ANKRD36C: variants seen among roughly 807,000 people sequenced by gnomAD.
ANKRD36C encodes the protein ankyrin repeat domain-containing protein 36C.
In ANKRD36C, 61 loss-of-function variants were observed where a neutral mutation model predicts 276.4. The observed-to-expected ratio is 0.22, with a 90% CI of 0.18 to 0.27. ANKRD36C has a LOEUF of 0.27. ANKRD36C is among the 10% of genes least tolerant of loss of function. The probability of loss-of-function intolerance (pLI) is 1.00; values close to 1 mark genes in which losing one functional copy is unlikely to be tolerated. For synonymous variants in ANKRD36C, 483 were observed against 680.1 expected (o/e 0.71, Z 4.51); for missense variants, 1,447 against 2,032.3 (o/e 0.71, Z 5.54).
At chr2:95,948,893 A>G (rs890725472) in intron 16 of ANKRD36C, among the ~76,000 whole-genome samples, 10 of 152,222 alleles carry the variant, frequency 6.6e-5, no homozygotes, top group Non-Finnish European at 1.3e-4. Context: ...TGGCACAGCC[A>G]GACAATAATT....
chr2:95,856,376 T>C (rs1675412118), intron 62 of ANKRD36C, among the ~76,000 whole-genome samples, 196 bp from the exon 83 acceptor site: 1 of 152,174 alleles, frequency 6.6e-6, no homozygotes, highest in East Asian at 1.9e-4. Context: ...AAAAGTTTAT[T>C]TGAAGACAGT....
chr2:95,876,172 A>T (rs1483801924), intron 59 of ANKRD36C, among the ~76,000 whole-genome samples: 3 of 151,990 alleles, frequency 2.0e-5, no homozygotes. Flanking sequence ...TCTTTATTAT[A>T]ATAGGAAGTT....
intron 42 of ANKRD36C, among the ~76,000 whole-genome samples, chr2:95,902,545 G>T (rs1184314432): frequency 6.6e-6 from 1 of 150,392 alleles, no homozygotes; most frequent in East Asian, 2.0e-4. Context: ...TCTGAAGTGT[G>T]TAAATTCTAT....
intron 59 of ANKRD36C, among the ~76,000 whole-genome samples, chr2:95,873,799 C>A (rs1558622767): frequency 6.6e-6 from 1 of 152,218 alleles, no homozygotes; most frequent in Non-Finnish European, 1.5e-5. Context: ...AGCCCAAAAT[C>A]TCCTTAAGCT....
At chr2:95,918,788 G>A (rs906581572) in intron 34 of ANKRD36C, among the ~76,000 whole-genome samples, 12 of 150,910 alleles carry the variant, frequency 8.0e-5, no homozygotes, top group Admixed American at 2.0e-4. Context: ...TGCAGCAAGC[G>A]TTAGATATTG....
chr2:95,916,315 A>G (rs1236452565), intron 36 of ANKRD36C, 144 bp from the exon 39 acceptor site: 3 of 1,396,038 alleles, frequency 2.1e-6, no homozygotes, highest in African/African-American at 2.9e-5. Context: ...TCTGGGGACT[A>G]GAACATGACA....
In ANKRD36C at chr2:95,926,910, A is replaced by T. The variant is rs551579094; in HGVS notation, c.1939+304T>A. ...AAATCTATACTTCATCTCTTTCTCCATCCACCCTTGGTGAAAACATGCTGT... is the reference window on the plus strand; with the variant it reads ...AAATCTATACTTCATCTCTTTCTCCTTCCACCCTTGGTGAAAACATGCTGT... On this transcript the variant is annotated intron_variant, in intron 28 of 66. Coordinates refer to ENST00000456556, the Ensembl canonical transcript of ANKRD36C. Among the ~76,000 whole-genome samples, 4 of 151,672 alleles carry T rather than the reference A, an allele frequency of 2.6e-5. No individual in the cohort carries two copies. The East Asian group carries it at 7.8e-4, about 30-fold the overall frequency.
At chr2:95,913,825 T>C (rs1677007099) in intron 40 of ANKRD36C, among the ~76,000 whole-genome samples, 1 of 151,434 alleles carries the variant, frequency 6.6e-6, no homozygotes, top group South Asian at 2.1e-4. Flanking sequence ...AGCTGGAGAA[T>C]TAAAGCAAAA....
At chr2:95,855,461 A>G (rs577246723) in exon 63 of ANKRD36C, 109 of 1,612,346 alleles carry the variant, frequency 6.8e-5, no homozygotes, top group Non-Finnish European at 7.6e-5. Context: ...CTTTGTTGCG[A>G]GCATCATCCA....
intron 17 of ANKRD36C, among the ~76,000 whole-genome samples, chr2:95,947,219 A>G (rs1198388196): frequency 1.3e-5 from 2 of 151,970 alleles, no homozygotes; most frequent in Non-Finnish European, 2.9e-5. Flanking sequence ...ATCTTTTCCA[A>G]TTTTCATTTT....
exon 14 of ANKRD36C, chr2:95,953,997 T>C: frequency 6.5e-7 from 1 of 1,532,612 alleles, no homozygotes; most frequent in Non-Finnish European, 8.7e-7. Context: ...ATCCGGTCTG[T>C]AGAGACTCCT....
chr2:95,891,482 T>C, intron 46 of ANKRD36C, among the ~76,000 whole-genome samples, 183 bp downstream of exon 66: 2 of 151,534 alleles, frequency 1.3e-5, no homozygotes, highest in Admixed American at 1.3e-4. Flanking sequence ...ATACTCTTAC[T>C]GCGAAGATCA....
chr2:95,930,826 A>C (rs934643377), intron 24 of ANKRD36C, among the ~76,000 whole-genome samples: 2 of 151,610 alleles, frequency 1.3e-5, no homozygotes, highest in Non-Finnish European at 3.0e-5. Flanking sequence ...CTTTCCAAAA[A>C]AAAAACAAAA....
chr2:95,933,494 C>T (rs77296442), intron 24 of ANKRD36C, among the ~76,000 whole-genome samples: 1 of 152,268 alleles, frequency 6.6e-6, no homozygotes, highest in South Asian at 2.1e-4. Context: ...TCTTTCTCAT[C>T]CCTTGTGAGT....
At chr2:95,889,626 A>G (rs1676286334) in intron 48 of ANKRD36C, among the ~76,000 whole-genome samples, 173 bp downstream of exon 68, 1 of 151,546 alleles carries the variant, frequency 6.6e-6, no homozygotes, top group South Asian at 2.1e-4. Context: ...TACTTTCATC[A>G]TGGCCAAGGA....
intron 62 of ANKRD36C, among the ~76,000 whole-genome samples, 177 bp from the exon 83 acceptor site, chr2:95,856,357 C>A (rs1457557661): frequency 6.6e-6 from 1 of 151,902 alleles, no homozygotes; most frequent in Non-Finnish European, 1.5e-5. Context: ...CATAAATTCC[C>A]CAAAGTTCAA....
Position 95,941,173 on chromosome 2 carries a change from T to C in ANKRD36C, c.1518A>G (p.Gly506=), listed in dbSNP as rs1216376656. The change falls in exon 20 of 67, where the codon GGA becomes GGG. Residue 506 remains glycine, a synonymous_variant. Coordinates refer to ENST00000456556, the Ensembl canonical transcript of ANKRD36C. ...TAATACCAATACCATTTGCTTTTTGTCCAGTTGCTGGTAGTGCTTTTCCTT... is the reference window on the plus strand; with the variant it reads ...TAATACCAATACCATTTGCTTTTTGCCCAGTTGCTGGTAGTGCTTTTCCTT... 73 of 1,512,460 alleles carry C rather than the reference T, an allele frequency of 4.8e-5. No homozygotes were observed. The East Asian group carries it at 1.7e-3, about 36-fold the overall frequency. The allele number at this position is 1,512,460 out of a possible 1,614,324, so 93.7% of individuals were successfully genotyped here.
At chr2:95,853,776 C>T (rs755322856) in exon 64 of ANKRD36C, 5 of 1,603,930 alleles carry the variant, frequency 3.1e-6, no homozygotes, top group Middle Eastern at 2.3e-4. Flanking sequence ...GATGCAGTGA[C>T]GCGATGAAGC....
intron 10 of ANKRD36C, among the ~76,000 whole-genome samples, chr2:95,960,164 T>C (rs1408719746): frequency 6.6e-6 from 1 of 152,028 alleles, no homozygotes; most frequent in East Asian, 1.9e-4. Context: ...CTCCTTCCCC[T>C]CTTGATGGAG....
Sources: allele counts gnomAD v4.1 joint callset (sites outside exome capture counted in the v4.1 genomes callset), GRCh38; gene constraint gnomAD v4.1.1; transcripts MANE v1.5; gene names NCBI Gene and HGNC (gene_info 2026-07-23, HGNC 2026-07-21).